Variants in PHF20L1 observed in about 807,000 individuals in gnomAD.
The protein encoded by PHF20L1 is PHD finger protein 20 like 1.
A neutral mutation model predicts 125.5 loss-of-function variants in PHF20L1; 44 were observed. The ratio of observed to expected loss-of-function variants is 0.35; its 90% confidence interval spans 0.28 to 0.45. PHF20L1 has a LOEUF of 0.45. Ranked by LOEUF, PHF20L1 falls within the 20% of genes least tolerant of loss-of-function variation. The pLI is 1.00. For synonymous variants in PHF20L1, 380 were observed against 403.1 expected, an observed-to-expected ratio of 0.94 and a Z score of 0.69; for missense variants, 1,012 against 1,217.2, an observed-to-expected ratio of 0.83 and a Z score of 2.51.
chr8:132,812,404 A>G (rs1187448275), intron 9 of PHF20L1: 3 of 984,974 alleles, frequency 3.0e-6, no homozygotes, highest in Non-Finnish European at 3.6e-6. Context: ...GTTAGTGTAG[A>G]GGGCAGTACC....
At chr8:132,799,586 C>A (rs1832802226) in intron 6 of PHF20L1, 1 of 153,798 alleles carries the variant, frequency 6.5e-6, no homozygotes, top group African/African-American at 2.4e-5. Context: ...CCTGGACCTA[C>A]AATTAATTTT....
At chr8:132,815,970 T>C (rs1250769727) in intron 10 of PHF20L1, 2 of 151,872 alleles carry the variant, frequency 1.3e-5, no homozygotes, top group Admixed American at 1.3e-4. Flanking sequence ...ATTATAGCAA[T>C]TAAATTTTAT....
chr8:132,811,177 T>C, intron 9 of PHF20L1, 49 bp downstream of exon 9: 2 of 1,610,212 alleles, frequency 1.2e-6, no homozygotes, highest in Non-Finnish European at 1.7e-6. Flanking sequence ...ACTGGAATGA[T>C]CACGGAGCTC....
chr8:132,790,803 A>G (rs980857459), intron 2 of PHF20L1, among the ~76,000 whole-genome samples: 4 of 152,210 alleles, frequency 2.6e-5, no homozygotes, highest in African/African-American at 4.8e-5. Context: ...TCTATATTCT[A>G]TATGTCCCCT....
chr8:132,837,567 T>C, intron 16 of PHF20L1, 145 bp from the exon 17 acceptor site: 1 of 595,882 alleles, frequency 1.7e-6, no homozygotes, highest in South Asian at 1.9e-5. Context: ...AGTCATGGCT[T>C]GATTTTGTTG....
Position 132,794,758 on chromosome 8 carries a change from T to G in PHF20L1, c.281T>G (p.Leu94Arg). The G allele has an allele frequency of 6.2e-7, 1 of 1,613,150 alleles. No homozygotes were observed. Among genetic ancestry groups the G allele is most frequent in the Non-Finnish European group, 8.5e-7 (1 of 1,179,266 alleles). ...GATTTTAAAGCTGGAGAAGAAGTTC[T>G]GGCTCGTTGGACAGACTGTCGCTAT... ...FFDFKAGEEVLARWTDCRYYP... is the reference protein window; with the variant it reads ...FFDFKAGEEVRARWTDCRYYP... The change falls in exon 4 of 21, where the codon CTG (leucine) becomes CGG (arginine). Residue 94 changes from leucine (L) to arginine (R), a missense_variant. Leu to Arg is a moderately radical substitution (Grantham distance 102, BLOSUM62 -2). This residue lies in a region of PHF20L1 where 94 missense variants were observed against 179.5 expected (regional missense o/e 0.52). Transcript: ENST00000395386.
intron 12 of PHF20L1, among the ~76,000 whole-genome samples, chr8:132,822,369 TC>T (rs1478706243): frequency 1.3e-5 from 2 of 151,872 alleles, no homozygotes; most frequent in Admixed American, 6.6e-5. Flanking sequence ...TTAATCTGAC[TC>T]CCTGTCCCCA....
In PHF20L1 at chr8:132,845,991, G is replaced by C; in HGVS notation, c.*68G>C. On this transcript the variant is annotated 3_prime_UTR_variant, in exon 21 of 21. Coordinates refer to ENST00000395386, the MANE Select transcript of PHF20L1 (RefSeq NM_016018.5). Reference sequence around the variant, plus strand: ...AAAGCATTTTTATTATCCACGTGATGGCTAAGTGGATAATTTAAAAGCTTA... The same window carrying C: ...AAAGCATTTTTATTATCCACGTGATCGCTAAGTGGATAATTTAAAAGCTTA... 1 of 1,182,752 alleles carries C rather than the reference G, an allele frequency of 8.5e-7. No homozygotes were observed. The highest frequency in any genetic ancestry group is 1.2e-6 in the Non-Finnish European group (1 of 815,556). 73.3% of individuals were successfully genotyped at this position (1,182,752 alleles called of 1,614,324 possible). A position where few individuals can be genotyped will look rare whatever the true frequency, so the allele number is the denominator to read the frequency against.
intron 13 of PHF20L1, 184 bp downstream of exon 13, chr8:132,824,244 A>G (rs1835911262): frequency 2.4e-6 from 1 of 410,048 alleles, no homozygotes. Flanking sequence ...CTTGTTTTAT[A>G]TGTAACTTTT....
intron 9 of PHF20L1, 144 bp downstream of exon 9, chr8:132,811,272 C>A: frequency 7.0e-7 from 1 of 1,426,306 alleles, no homozygotes. Context: ...TTAACTCTGC[C>A]TTCTCCAAGG....
rs377377383 is a variant in PHF20L1, at chr8:132,776,845, A to G, written c.-37-947A>G. On this transcript the variant is annotated intron_variant, in intron 1 of 20. Transcript: ENST00000395386. ...CTCTCCTCGCCCCTGATAACAATCAATTTACATTCTTAATTATGAGTTATG... is the reference window on the plus strand; with the variant it reads ...CTCTCCTCGCCCCTGATAACAATCAGTTTACATTCTTAATTATGAGTTATG... Among the ~76,000 whole-genome samples the G allele has an allele frequency of 3.3e-4, 50 of 152,348 alleles. 2 individuals are homozygous for G. The South Asian group carries it at 9.5e-3, about 29-fold the overall frequency.
In PHF20L1 at chr8:132,837,727, T is replaced by C; in HGVS notation, c.2107T>C (p.Cys703Arg). 6.2e-7 allele frequency: 1 copy of C among 1,612,784 alleles called. No homozygotes were observed. The highest frequency in any genetic ancestry group is 8.5e-7 in the Non-Finnish European group (1 of 1,179,146). Residue 703 changes from cysteine (C) to arginine (R), a missense_variant, in exon 17 of 21, where the codon TGT (cysteine) becomes CGT (arginine). Transcript: ENST00000395386. ...TTTTCTGCAGTGTGAAGAGTGCTTG[T>C]GTTGGCAACACAGCGTGTGCATGGG... Reference protein sequence around the residue: ...GFMIQCEECLCWQHSVCMGLL... With the variant: ...GFMIQCEECLRWQHSVCMGLL...
At chr8:132,824,750 G>A (rs953812072) in intron 13 of PHF20L1, 4 of 163,460 alleles carry the variant, frequency 2.4e-5, no homozygotes, top group East Asian at 3.3e-4. Flanking sequence ...TTTTTTCCTC[G>A]TGTTCTTAGC....
intron 2 of PHF20L1, among the ~76,000 whole-genome samples, chr8:132,792,964 C>CTTTTTTTTTTTTTT (rs370724463): frequency 7.7e-6 from 1 of 129,644 alleles, no homozygotes; most frequent in Non-Finnish European, 1.6e-5. Flanking sequence ...CCCCTTTTTT[C>CTTTTTTTTTTTTTT]TTTTTTTTTT....
At chr8:132,827,922 A>G (rs1210941134) in intron 14 of PHF20L1, among the ~76,000 whole-genome samples, 2 of 152,044 alleles carry the variant, frequency 1.3e-5, no homozygotes, top group East Asian at 3.9e-4. Flanking sequence ...TGAGTTTGAT[A>G]ATCACTGTCA....
chr8:132,811,824 A>T (rs946568687), intron 9 of PHF20L1: 1 of 984,576 alleles, frequency 1.0e-6, no homozygotes, highest in African/African-American at 1.7e-5. Flanking sequence ...CCATAACTGG[A>T]TTTCCTTGGT....
At chr8:132,796,200 G>T (rs1303632700) in intron 4 of PHF20L1, among the ~76,000 whole-genome samples, 1 of 152,054 alleles carries the variant, frequency 6.6e-6, no homozygotes, top group Non-Finnish European at 1.5e-5. Flanking sequence ...ACAAGTGGGA[G>T]AGGCATGCCA....
At chr8:132,786,497 TG>T (rs774576291) in intron 2 of PHF20L1, among the ~76,000 whole-genome samples, 57 of 152,144 alleles carry the variant, frequency 3.7e-4, no homozygotes, top group Non-Finnish European at 6.8e-4. Context: ...ACTTGATTTT[TG>T]TATTGTTTTA....
At chr8:132,790,457 C>T (rs1374369786) in intron 2 of PHF20L1, among the ~76,000 whole-genome samples, 1 of 152,132 alleles carries the variant, frequency 6.6e-6, no homozygotes, top group Non-Finnish European at 1.5e-5. Context: ...TTAAGTCACT[C>T]CCTGTTTTCT....
Sources: gnomAD v4.1 joint callset for allele counts (sites outside exome capture counted in the v4.1 genomes callset) on GRCh38, gnomAD v4.1.1 for gene constraint, gnomAD v4.1.1 regional missense constraint, MANE v1.5 for transcripts, NCBI Gene and HGNC (gene_info 2026-07-23, HGNC 2026-07-21) for gene names.